Variants in ABR observed in about 807,000 individuals in gnomAD.
ABR encodes the protein ABR activator of RhoGEF and GTPase.
ABR carries 35 observed loss-of-function variants against 107.2 expected under a neutral mutation model. The observed-to-expected ratio is 0.33, with a 90% confidence interval of 0.25 to 0.43. ABR has a LOEUF of 0.43. ABR is among the 20% of genes least tolerant of loss of function. ABR has a pLI of 1.00. For synonymous variants in ABR, 498 were observed against 462.0 expected (o/e 1.08, Z -1.00); for missense variants, 815 against 1,115.2 (o/e 0.73, Z 3.83).
upstream of ABR, among the ~76,000 whole-genome samples, chr17:1,189,871 C>G (rs1480187682): frequency 1.3e-5 from 2 of 152,142 alleles, no homozygotes; most frequent in Non-Finnish European, 2.9e-5. Context: ...ACCCCAGGAC[C>G]TTGCACAAAT....
chr17:1,216,287 G>A (rs943733844), intron 1 of ABR, among the ~76,000 whole-genome samples: 9 of 152,220 alleles, frequency 5.9e-5, no homozygotes, highest in Non-Finnish European at 1.2e-4. Flanking sequence ...TAGGGAAGCT[G>A]TTATAACCCC....
At chr17:1,190,807 G>GC (rs2042414932), upstream of ABR, among the ~76,000 whole-genome samples, 1 of 152,226 alleles carries the variant, frequency 6.6e-6, no homozygotes, top group African/African-American at 2.4e-5. Flanking sequence ...CAACCCCTCT[G>GC]CCCCACGGCG....
chr17:1,013,202 C>T (rs769517467), intron 16 of ABR, 38 bp from the exon 17 acceptor site: 22 of 1,601,878 alleles, frequency 1.4e-5, no homozygotes, highest in Non-Finnish European at 1.5e-5. Context: ...GGTGCCAGCT[C>T]GGAGGCCAAG....
intron 21 of ABR, among the ~76,000 whole-genome samples, chr17:1,008,598 C>A (rs2070251104): frequency 6.6e-6 from 1 of 152,190 alleles, no homozygotes; most frequent in Non-Finnish European, 1.5e-5. Flanking sequence ...CCTGGCCAAA[C>A]CAGAGGAAAA....
At chr17:1,090,691 G>A (rs921446052) in intron 4 of ABR, among the ~76,000 whole-genome samples, 5 of 152,224 alleles carry the variant, frequency 3.3e-5, no homozygotes, top group Admixed American at 6.5e-5. Flanking sequence ...CTTCTCCAGC[G>A]TGAGAAAGGC....
intron 6 of ABR, among the ~76,000 whole-genome samples, chr17:1,076,130 C>G (rs1198466709): frequency 5.9e-5 from 9 of 152,214 alleles, no homozygotes; most frequent in Admixed American, 5.2e-4. Context: ...TCTCGAACTC[C>G]TGGCCTCAAG....
rs888054791 is a variant in ABR, at chr17:1,092,237, C to G, written c.346-387G>C. Among the ~76,000 whole-genome samples the G allele has an allele frequency of 2.0e-5, 3 of 152,188 alleles. No homozygotes were observed. Among genetic ancestry groups the G allele is most frequent in the African/African-American group, 7.2e-5 (3 of 41,450 alleles). On this transcript the variant is annotated intron_variant, in intron 3 of 22. Coordinates refer to ENST00000302538, the MANE Select transcript of ABR (RefSeq NM_021962.5). This position sits in a 1 kb window ranked among gnomAD's most constrained non-coding sequence, Gnocchi z 4.6. ...TGGAAGGGAGGGTTGACAGGGAACT[C>G]AAGCCTATAGCTGTTTCCTTCCAAG... is the stretch of plus-strand genomic sequence containing the variant.
chr17:1,139,949 A>G (rs1231583864), intron 1 of ABR, among the ~76,000 whole-genome samples: 1 of 152,158 alleles, frequency 6.6e-6, no homozygotes, highest in East Asian at 1.9e-4. Context: ...CCTGATGAAC[A>G]GACTGGTACC....
intron 1 of ABR, among the ~76,000 whole-genome samples, chr17:1,217,182 C>T (rs918714036): frequency 8.5e-5 from 13 of 152,190 alleles, no homozygotes; most frequent in African/African-American, 2.4e-4. Context: ...GCCTACAAAA[C>T]GAGGCTTTCT....
intron 16 of ABR, among the ~76,000 whole-genome samples, chr17:1,036,061 G>A (rs117913530): frequency 1.3e-5 from 2 of 152,228 alleles, no homozygotes; most frequent in East Asian, 1.9e-4. Flanking sequence ...GCACCAGGAG[G>A]AAGGTTCTGC....
At chr17:1,131,368 C>A (rs553786993) in intron 1 of ABR, among the ~76,000 whole-genome samples, 2 of 33,646 alleles carry the variant, frequency 5.9e-5, no homozygotes, top group Non-Finnish European at 1.1e-4. Flanking sequence ...CCTTTGCACA[C>A]CAAATGCAGT....
intron 6 of ABR, among the ~76,000 whole-genome samples, chr17:1,073,895 C>G (rs1265618957): frequency 6.6e-6 from 1 of 152,098 alleles, no homozygotes; most frequent in Non-Finnish European, 1.5e-5. Flanking sequence ...GCCCCTGCTC[C>G]CTCCGCAGCC....
intron 1 of ABR, among the ~76,000 whole-genome samples, chr17:1,175,521 G>A (rs963337791): frequency 8.5e-5 from 13 of 152,144 alleles, no homozygotes; most frequent in Admixed American, 3.3e-4. Flanking sequence ...AATGAGTGGC[G>A]CAGACACAAG....
At chr17:1,024,949 G>A (rs1351498331) in intron 16 of ABR, among the ~76,000 whole-genome samples, 5 of 151,264 alleles carry the variant, frequency 3.3e-5, no homozygotes, top group East Asian at 1.9e-4. Flanking sequence ...GTGAAACCCC[G>A]TCTCTACTAA....
At chr17:1,032,510 C>T (rs2072882725) in intron 16 of ABR, among the ~76,000 whole-genome samples, 1 of 148,132 alleles carries the variant, frequency 6.8e-6, no homozygotes, top group Non-Finnish European at 1.5e-5. Context: ...CTTTGCACCT[C>T]ACCAAAAAAG....
intron 16 of ABR, among the ~76,000 whole-genome samples, chr17:1,016,536 G>A (rs986352048): frequency 2.6e-5 from 4 of 151,882 alleles, no homozygotes; most frequent in Non-Finnish European, 5.9e-5. Flanking sequence ...GGCTGGTCTC[G>A]AGCTCCTGAC....
At chr17:1,104,001 A>G (rs1212039144) in intron 2 of ABR, among the ~76,000 whole-genome samples, 2 of 151,704 alleles carry the variant, frequency 1.3e-5, no homozygotes, top group Non-Finnish European at 2.9e-5. Context: ...CCACTCACTC[A>G]CCCATTCCCA....
intron 1 of ABR, among the ~76,000 whole-genome samples, chr17:1,135,591 A>G (rs532659123): frequency 2.0e-5 from 3 of 152,168 alleles, no homozygotes; most frequent in Admixed American, 6.5e-5. Context: ...AAGTCTTCAG[A>G]GAGGCCAGGT....
rs574160129 is a variant in ABR at position 1,107,522 on chromosome 17, G to C, written c.247-6787C>G. ...CTGAGGCATACGCCGGGGTCCAGCAGAAGGGGAGGTCCAGGAGGCAGCCTC... is the reference window on the plus strand; with the variant it reads ...CTGAGGCATACGCCGGGGTCCAGCACAAGGGGAGGTCCAGGAGGCAGCCTC... On this transcript the variant is annotated intron_variant, in intron 2 of 22. Coordinates refer to ENST00000302538, the MANE Select transcript of ABR (RefSeq NM_021962.5). Among the ~76,000 whole-genome samples the C allele has an allele frequency of 2.0e-5, 3 of 152,382 alleles. No homozygotes were observed. The East Asian group carries it at 5.8e-4, about 29-fold the overall frequency.
Sources: allele counts gnomAD v4.1 joint callset (sites outside exome capture counted in the v4.1 genomes callset), GRCh38; gene constraint gnomAD v4.1.1; non-coding constraint Gnocchi (gnomAD v3.1); transcripts MANE v1.5; gene names NCBI Gene and HGNC (gene_info 2026-07-23, HGNC 2026-07-21).